The following NCKAP5 variants were observed in gnomAD, a reference collection of about 807,000 sequenced individuals.
The protein encoded by NCKAP5 is NCK associated protein 5.
A neutral mutation model predicts 167.0 loss-of-function variants in NCKAP5; 92 were observed. That is an observed-to-expected ratio of 0.55 (90% CI 0.47 to 0.66). The LOEUF is 0.66. Among genes scored for constraint, NCKAP5 ranks in the 30% least tolerant of loss-of-function variants. The pLI is 0.00. For missense variants in NCKAP5, 2,378 were observed against 2,315.0 expected (o/e 1.03, Z -0.56); for synonymous variants, 891 against 877.4 (o/e 1.02, Z -0.27).
At chr2:132,772,784 G>A (rs999435239) in intron 16 of NCKAP5, among the ~76,000 whole-genome samples, 1 of 152,140 alleles carries the variant, frequency 6.6e-6, no homozygotes, top group African/African-American at 2.4e-5. Flanking sequence ...ATTAAGCCAC[G>A]GGGGTAAAAC....
chr2:132,845,028 A>C, intron 11 of NCKAP5, among the ~76,000 whole-genome samples: 1 of 152,090 alleles, frequency 6.6e-6, no homozygotes. Flanking sequence ...AAAAAAGGTT[A>C]TCTTGTGTTT....
At chr2:132,739,702 C>G (rs1360158804) in intron 16 of NCKAP5, among the ~76,000 whole-genome samples, 1 of 152,174 alleles carries the variant, frequency 6.6e-6, no homozygotes, top group Non-Finnish European at 1.5e-5. Context: ...TACTCAACAA[C>G]TACCCTGCTT....
chr2:132,796,588 C>A (rs970671672), intron 12 of NCKAP5, 40 bp downstream of exon 12: 3 of 1,405,438 alleles, frequency 2.1e-6, no homozygotes, highest in Non-Finnish European at 2.0e-6. Flanking sequence ...AGGAAAATAA[C>A]CACCAAAACA....
intron 16 of NCKAP5, among the ~76,000 whole-genome samples, chr2:132,770,710 G>A (rs1322604170): frequency 6.6e-6 from 1 of 152,082 alleles, no homozygotes; most frequent in African/African-American, 2.4e-5. Context: ...GAACACATAT[G>A]TTTGTGTGAT....
At chr2:133,360,859 T>C (rs905897299) in intron 3 of NCKAP5, among the ~76,000 whole-genome samples, 4 of 150,770 alleles carry the variant, frequency 2.7e-5, no homozygotes, top group Non-Finnish European at 4.4e-5. Flanking sequence ...GAGTAGAAGA[T>C]CATGGCTAAT....
chr2:133,430,728 A>G (rs1690103640), intron 3 of NCKAP5, among the ~76,000 whole-genome samples: 2 of 152,002 alleles, frequency 1.3e-5, no homozygotes, highest in African/African-American at 4.8e-5. Flanking sequence ...CCATTGGTCT[A>G]TATGTCTATT....
At chr2:133,285,877 T>C (rs1679083068) in intron 4 of NCKAP5, among the ~76,000 whole-genome samples, 1 of 152,246 alleles carries the variant, frequency 6.6e-6, no homozygotes, top group Non-Finnish European at 1.5e-5. Context: ...AAATTAATTA[T>C]TGTTCATTTA....
At chr2:133,646,118 A>C in the NCKAP5 span, among the ~76,000 whole-genome samples, 852 of 152,188 alleles carry the variant, frequency 5.6e-3, 11 homozygotes, top group African/African-American at 0.02. Context: ...ATCTATAAAT[A>C]ATATGTAAAC....
chr2:133,552,784 G>C (rs548715375), intron 2 of NCKAP5, among the ~76,000 whole-genome samples: 1 of 151,176 alleles, frequency 6.6e-6, no homozygotes, highest in Non-Finnish European at 1.5e-5. Flanking sequence ...ATTGAGAAGC[G>C]GGTGGGGCAA....
At chr2:133,385,052 T>C (rs1373610616) in intron 3 of NCKAP5, among the ~76,000 whole-genome samples, 1 of 152,200 alleles carries the variant, frequency 6.6e-6, no homozygotes, top group Non-Finnish European at 1.5e-5. Flanking sequence ...TTCTCCTGCC[T>C]GATTGCCCTG....
At chr2:133,127,964 A>G (rs1463102141) in intron 6 of NCKAP5, among the ~76,000 whole-genome samples, 2 of 152,196 alleles carry the variant, frequency 1.3e-5, no homozygotes, top group African/African-American at 4.8e-5. Context: ...CTGGTGTTAA[A>G]TTATAATGCT....
At chr2:133,043,377 C>T (rs779786145) in intron 6 of NCKAP5, among the ~76,000 whole-genome samples, 4 of 152,058 alleles carry the variant, frequency 2.6e-5, no homozygotes, top group Non-Finnish European at 4.4e-5. Context: ...CTAAAAAGTA[C>T]AATTAAACAG....
chr2:133,551,277 C>A (rs1687269341), intron 2 of NCKAP5, among the ~76,000 whole-genome samples: 1 of 151,130 alleles, frequency 6.6e-6, no homozygotes, highest in East Asian at 1.9e-4. Context: ...AAAGAGCCCG[C>A]ATCACCAAGT....
At chr2:132,873,813 G>C (rs2044567) in intron 9 of NCKAP5, among the ~76,000 whole-genome samples, 76,729 of 152,004 alleles carry the variant, frequency 0.5, 19,907 homozygotes, top group East Asian at 0.81. Flanking sequence ...AGAAATTAGT[G>C]TAAATATATA....
At chr2:133,361,193 C>T (rs1241215789) in intron 3 of NCKAP5, among the ~76,000 whole-genome samples, 4 of 152,078 alleles carry the variant, frequency 2.6e-5, no homozygotes, top group Non-Finnish European at 5.9e-5. Context: ...TTCAGAGAAA[C>T]TTGTAGTGAG....
At chr2:132,892,187 A>C (rs909931879) in intron 8 of NCKAP5, among the ~76,000 whole-genome samples, 1 of 152,198 alleles carries the variant, frequency 6.6e-6, no homozygotes, top group Admixed American at 6.5e-5. Context: ...GATTAGCGTC[A>C]GGTCCTGATT....
intron 5 of NCKAP5, among the ~76,000 whole-genome samples, chr2:133,189,347 C>A (rs892674047): frequency 2.6e-5 from 4 of 152,094 alleles, no homozygotes; most frequent in Non-Finnish European, 5.9e-5. Context: ...CTGAATTCTA[C>A]CAGAGGTACA....
At chr2:133,321,434 AC>A (rs200315353) in intron 3 of NCKAP5, among the ~76,000 whole-genome samples, 2 of 152,350 alleles carry the variant, frequency 1.3e-5, no homozygotes, top group East Asian at 1.9e-4. Context: ...TGTTGTCTTT[AC>A]ACATAGGATC....
Position 132,730,941 on chromosome 2 carries a change from G to A in NCKAP5, c.5443+796C>T, listed in dbSNP as rs187997262. Among the ~76,000 whole-genome samples, 123 of 152,328 alleles carry A rather than the reference G, an allele frequency of 8.1e-4. No individual in the cohort carries two copies. The Middle Eastern group carries it at 0.01, about 13-fold the overall frequency. On this transcript the variant is annotated intron_variant, in intron 17 of 19. Transcript: ENST00000409261. Reference sequence around the variant, plus strand: ...TTTATTCAAAGATTTATAATTAAAAGTCTCCTTTTCTAATTTCTCAGAAGC... The same window carrying A: ...TTTATTCAAAGATTTATAATTAAAAATCTCCTTTTCTAATTTCTCAGAAGC...
Sources: gnomAD v4.1 joint callset for allele counts (sites outside exome capture counted in the v4.1 genomes callset) on GRCh38, gnomAD v4.1.1 for gene constraint, MANE v1.5 for transcripts, NCBI Gene and HGNC (gene_info 2026-07-23, HGNC 2026-07-21) for gene names.